TENM2: variants seen among roughly 807,000 people sequenced by gnomAD.
The protein encoded by TENM2 is teneurin transmembrane protein 2, also known as teneurin-2.
In TENM2, 52 loss-of-function variants were observed where a neutral mutation model predicts 245.2. The observed-to-expected ratio is 0.21, with a 90% CI of 0.17 to 0.27. The LOEUF is 0.27. Among genes scored for constraint, TENM2 ranks in the 10% least tolerant of loss-of-function variants. The pLI is 1.00. For synonymous variants in TENM2, 1,363 were observed against 1,438.9 expected (o/e 0.95, Z 1.19); for missense variants, 3,046 against 3,666.8 (o/e 0.83, Z 4.37).
intron 2 of TENM2, among the ~76,000 whole-genome samples, chr5:167,598,874 G>C (rs1367603766): frequency 6.6e-6 from 1 of 152,080 alleles, no homozygotes; most frequent in Non-Finnish European, 1.5e-5. Flanking sequence ...TTATACCGCA[G>C]GTTAATCACT....
intron 12 of TENM2, among the ~76,000 whole-genome samples, chr5:168,152,740 C>T (rs1023020695): frequency 6.6e-6 from 1 of 152,156 alleles, no homozygotes; most frequent in Admixed American, 6.5e-5. Context: ...ACACTTGTCA[C>T]CCTCCTAAGC....
chr5:168,052,531 G>A (rs983093149), intron 6 of TENM2, among the ~76,000 whole-genome samples: 2 of 151,972 alleles, frequency 1.3e-5, no homozygotes, highest in African/African-American at 2.4e-5. Context: ...AGAATATGAA[G>A]ATAGACAATA....
chr5:167,894,976 AGGAAGGAAGGAAGGAG>A lies in TENM2; in HGVS notation c.712+18797_712+18812del, dbSNP rs1561906750. 1.3e-4 allele frequency among the ~76,000 whole-genome samples: 14 copies of A among 106,138 alleles called. No homozygotes were observed. The East Asian group carries it at 1.8e-3, about 13-fold the overall frequency. 69.6% of individuals were successfully genotyped at this position (106,138 alleles called of 152,430 possible). Reference sequence around the variant, plus strand: ...AAGGAAGGAAGGAAGGAAGGAAGGAAGGAAGGAAGGAAGGAGGGAAGGAAGGAAGGAAGGGAGGGAG... The same window carrying A: ...AAGGAAGGAAGGAAGGAAGGAAGGAAGGAAGGAAGGAAGGAAGGGAGGGAG... On this transcript the variant is annotated intron_variant, in intron 3 of 28. Coordinates refer to ENST00000518659, the Ensembl canonical transcript of TENM2.
intron 2 of TENM2, among the ~76,000 whole-genome samples, chr5:167,610,466 A>C (rs1777401985): frequency 6.6e-6 from 1 of 152,090 alleles, no homozygotes; most frequent in South Asian, 2.1e-4. Context: ...CCCATCCTGA[A>C]ACAATCTAGG....
intron 2 of TENM2, among the ~76,000 whole-genome samples, chr5:167,528,450 A>G (rs1771264610): frequency 6.6e-6 from 1 of 152,114 alleles, no homozygotes; most frequent in African/African-American, 2.4e-5. Context: ...TTAATGTCTC[A>G]ATCTGCGTCT....
chr5:167,655,756 A>G (rs1487809117), intron 2 of TENM2, among the ~76,000 whole-genome samples: 1 of 152,230 alleles, frequency 6.6e-6, no homozygotes, highest in Non-Finnish European at 1.5e-5. Context: ...ATCTATCAGC[A>G]AACAAATTGG....
intron 2 of TENM2, among the ~76,000 whole-genome samples, chr5:167,776,161 C>CCACACACACACG (rs1763753811): frequency 7.5e-6 from 1 of 133,110 alleles, no homozygotes; most frequent in Admixed American, 7.5e-5. Context: ...AAAAAAAAAT[C>CCACACACACACG]CACACACACA....
intron 2 of TENM2, among the ~76,000 whole-genome samples, chr5:167,647,480 G>C (rs1561635501): frequency 6.6e-6 from 1 of 151,970 alleles, no homozygotes; most frequent in Non-Finnish European, 1.5e-5. Context: ...AAAATTAGCC[G>C]GGCGTGGTGG....
intron 23 of TENM2, 41 bp from the exon 26 acceptor site, chr5:168,226,047 G>A: frequency 1.3e-6 from 2 of 1,576,342 alleles, no homozygotes; most frequent in Non-Finnish European, 1.7e-6. Context: ...CCCAATGACT[G>A]CTGCTAACCA....
intron 3 of TENM2, among the ~76,000 whole-genome samples, chr5:167,925,079 C>T (rs1306234918): frequency 6.6e-6 from 1 of 152,164 alleles, no homozygotes; most frequent in Non-Finnish European, 1.5e-5. Context: ...CGTGAATGTT[C>T]ATGGCAGGTT....
At chr5:168,010,858 G>A (rs1480303954) in intron 5 of TENM2, among the ~76,000 whole-genome samples, 1 of 152,200 alleles carries the variant, frequency 6.6e-6, no homozygotes, top group Non-Finnish European at 1.5e-5. Flanking sequence ...TATTCAATTT[G>A]GGGGCGTTAT....
intron 3 of TENM2, among the ~76,000 whole-genome samples, chr5:167,945,486 A>G (rs1779538882): frequency 1.3e-5 from 2 of 152,332 alleles, no homozygotes; most frequent in African/African-American, 4.8e-5. Flanking sequence ...TGAAATATGT[A>G]GAGTGCTTAT....
intron 2 of TENM2, among the ~76,000 whole-genome samples, chr5:167,413,272 ATC>A (rs1763000810): frequency 6.6e-6 from 1 of 152,138 alleles, no homozygotes; most frequent in South Asian, 2.1e-4. Flanking sequence ...ATGTTAGTAT[ATC>A]TCTGAAATAA....
At chr5:167,337,252 G>A (rs1396107648) in intron 1 of TENM2, among the ~76,000 whole-genome samples, 1 of 150,752 alleles carries the variant, frequency 6.6e-6, no homozygotes, top group Non-Finnish European at 1.5e-5. Flanking sequence ...AAAAATGAAA[G>A]CAAGCAAGTT....
At chr5:167,877,920 G>A (rs999667691) in intron 3 of TENM2, among the ~76,000 whole-genome samples, 4 of 152,140 alleles carry the variant, frequency 2.6e-5, no homozygotes, top group African/African-American at 9.7e-5. Context: ...ATGTAATCGT[G>A]ATGAATATTG....
intron 28 of TENM2, among the ~76,000 whole-genome samples, chr5:168,261,449 G>T (rs1768180507): frequency 6.6e-6 from 1 of 152,228 alleles, no homozygotes; most frequent in Non-Finnish European, 1.5e-5. Flanking sequence ...CTCTGACTCA[G>T]TAGTTCTGGA....
At chr5:167,171,762 T>C in the TENM2 span, among the ~76,000 whole-genome samples, 3 of 152,166 alleles carry the variant, frequency 2.0e-5, no homozygotes, top group Admixed American at 2.0e-4. Flanking sequence ...TACCCTGGAC[T>C]TTCTCTTTTG....
intron 2 of TENM2, among the ~76,000 whole-genome samples, chr5:167,502,617 A>G (rs185329652): frequency 6.6e-6 from 1 of 152,196 alleles, no homozygotes; most frequent in South Asian, 2.1e-4. Flanking sequence ...ATAGGACACT[A>G]CATTTTGCAT....
intron 1 of TENM2, among the ~76,000 whole-genome samples, chr5:167,365,482 T>G (rs1384177980): frequency 1.3e-5 from 2 of 151,642 alleles, no homozygotes; most frequent in Non-Finnish European, 2.9e-5. Context: ...CAACAGCTGT[T>G]TGAAAAATCG....
Sources: gnomAD v4.1 joint callset for allele counts (sites outside exome capture counted in the v4.1 genomes callset) on GRCh38, gnomAD v4.1.1 for gene constraint, MANE v1.5 for transcripts, NCBI Gene and HGNC (gene_info 2026-07-23, HGNC 2026-07-21) for gene names.